The following FILIP1L variants were observed in gnomAD, a reference collection of about 807,000 sequenced individuals.
FILIP1L encodes the protein filamin A interacting protein 1 like.
A neutral mutation model predicts 96.6 loss-of-function variants in FILIP1L; 55 were observed. That is an observed-to-expected ratio of 0.57 (90% CI 0.46 to 0.71). The LOEUF (loss-of-function observed/expected upper bound fraction) is 0.71, where lower values mean the gene tolerates loss of function less well. Among genes scored for constraint, FILIP1L ranks in the 30% least tolerant of loss-of-function variants. The probability of loss-of-function intolerance (pLI) is 0.00; values close to 1 mark genes in which losing one functional copy is unlikely to be tolerated. For synonymous variants in FILIP1L, 467 were observed against 473.9 expected (o/e 0.99, Z 0.19); for missense variants, 1,304 against 1,321.2 (o/e 0.99, Z 0.20).
At chr3:100,016,775 A>C (rs1189930029) in intron 1 of FILIP1L, among the ~76,000 whole-genome samples, 1 of 152,224 alleles carries the variant, frequency 6.6e-6, no homozygotes, top group Non-Finnish European at 1.5e-5. Flanking sequence ...CAAAGTTGCT[A>C]TAAACTTATA....
intron 4 of FILIP1L, among the ~76,000 whole-genome samples, chr3:99,897,624 T>G (rs1285092687): frequency 6.6e-6 from 1 of 152,228 alleles, no homozygotes; most frequent in Admixed American, 6.5e-5. Context: ...ATCGTGTATT[T>G]GAGGAGAAAT....
At chr3:99,922,878 T>G (rs1317955708) in intron 4 of FILIP1L, among the ~76,000 whole-genome samples, 1 of 152,232 alleles carries the variant, frequency 6.6e-6, no homozygotes, top group African/African-American at 2.4e-5. Flanking sequence ...ATTTCTTATT[T>G]TGTTTTTTAA....
chr3:100,046,452 A>G (rs539422436), intron 1 of FILIP1L, among the ~76,000 whole-genome samples: 1 of 151,696 alleles, frequency 6.6e-6, no homozygotes, highest in East Asian at 1.9e-4. Context: ...GTTTACTAGT[A>G]GTAGCCTAAC....
intron 1 of FILIP1L, among the ~76,000 whole-genome samples, chr3:99,974,256 C>T (rs1218557650): frequency 2.0e-5 from 3 of 151,888 alleles, no homozygotes; most frequent in Non-Finnish European, 4.4e-5. Flanking sequence ...CCAGTATATA[C>T]AGTTCGTGCT....
Position 99,849,490 on chromosome 3 carries a change from T to C in FILIP1L, c.2186A>G (p.Tyr729Cys). ...ACATATTAGGTCTTCAGTTGCCATGTATTCATGAATTTTCTCTTTTAATGC... is the reference window on the plus strand; with the variant it reads ...ACATATTAGGTCTTCAGTTGCCATGCATTCATGAATTTTCTCTTTTAATGC... ...VDALKEKIHE[Y>C]MATEDLICHL... Residue 729 changes from tyrosine (Y) to cysteine (C), a missense_variant, in exon 5 of 6, where the codon TAC (tyrosine) becomes TGC (cysteine). By Grantham distance (194) the Tyr-to-Cys change is radical (BLOSUM62 -2). Coordinates refer to ENST00000477258, the MANE Select transcript of FILIP1L (RefSeq NM_001387850.1). The C allele has an allele frequency of 6.2e-7, 1 of 1,613,462 alleles. No individual in the cohort carries two copies. The highest frequency in any genetic ancestry group is 8.5e-7 in the Non-Finnish European group (1 of 1,179,906).
chr3:99,994,230 C>T (rs1709606318), intron 1 of FILIP1L, among the ~76,000 whole-genome samples: 1 of 151,988 alleles, frequency 6.6e-6, no homozygotes, highest in Non-Finnish European at 1.5e-5. Context: ...GCATTCAGAT[C>T]AGAAAACAAA....
chr3:100,035,492 C>T lies in FILIP1L; in HGVS notation c.-11+78561G>A, dbSNP rs192557712. 4.7e-3 allele frequency among the ~76,000 whole-genome samples: 713 copies of T among 152,188 alleles called. 1 individual carries two copies. Among genetic ancestry groups the T allele is most frequent in the Non-Finnish European group, 8.4e-3 (568 of 68,006 alleles). On this transcript the variant is annotated intron_variant, in intron 1 of 5. Transcript: ENST00000477258. ...TTCACCATGTTGGCCAGGCTGGTCT[C>T]GAACTCCTGATCCACCCGCCTCAGC...
chr3:99,948,774 AAG>A (rs1017457649), intron 1 of FILIP1L, among the ~76,000 whole-genome samples: 4 of 149,380 alleles, frequency 2.7e-5, no homozygotes, highest in Admixed American at 2.7e-4. Flanking sequence ...AGGAAAGAAA[AAG>A]AGAAAGGAAA....
At chr3:100,083,998 C>T (rs183705391) in intron 1 of FILIP1L, among the ~76,000 whole-genome samples, 42 of 152,192 alleles carry the variant, frequency 2.8e-4, no homozygotes, top group Admixed American at 2.4e-3. Flanking sequence ...AATATTTCTC[C>T]GTTATAGTTA....
At chr3:100,078,890 C>CA (rs199956080) in intron 1 of FILIP1L, among the ~76,000 whole-genome samples, 95 of 151,194 alleles carry the variant, frequency 6.3e-4, no homozygotes, top group South Asian at 4.0e-3. Flanking sequence ...GACTCCATAT[C>CA]AAAAAAAACG....
At chr3:99,846,911 C>T (rs969116875) in intron 5 of FILIP1L, among the ~76,000 whole-genome samples, 3 of 152,138 alleles carry the variant, frequency 2.0e-5, no homozygotes, top group Non-Finnish European at 2.9e-5. Context: ...TGTCTGAAAT[C>T]GTCGTTTTGG....
At chr3:99,860,009 G>C (rs1192447218) in intron 4 of FILIP1L, among the ~76,000 whole-genome samples, 2 of 152,208 alleles carry the variant, frequency 1.3e-5, no homozygotes, top group African/African-American at 2.4e-5. Flanking sequence ...TAGTCAGCAA[G>C]ATCAGTAGAA....
chr3:100,046,394 A>G (rs968303160), intron 1 of FILIP1L, among the ~76,000 whole-genome samples: 3 of 151,702 alleles, frequency 2.0e-5, no homozygotes, highest in South Asian at 2.1e-4. Context: ...TTGTTCACCT[A>G]TTTCTCAAAG....
At chr3:99,974,317 G>T (rs1312304995) in intron 1 of FILIP1L, among the ~76,000 whole-genome samples, 1 of 152,160 alleles carries the variant, frequency 6.6e-6, no homozygotes, top group Admixed American at 6.5e-5. Flanking sequence ...TTTTAGAAGG[G>T]ATCACAACAG....
At chr3:99,924,144 T>C in intron 4 of FILIP1L, 86 bp downstream of exon 4, 1 of 1,097,848 alleles carries the variant, frequency 9.1e-7, no homozygotes, top group Non-Finnish European at 1.3e-6. Context: ...GACTGTGTCA[T>C]ATTTATCTTT....
chr3:99,969,803 C>T (rs1273515319), intron 1 of FILIP1L, among the ~76,000 whole-genome samples: 2 of 152,080 alleles, frequency 1.3e-5, no homozygotes, highest in African/African-American at 4.8e-5. Flanking sequence ...TATTGGATGG[C>T]TTGTCTAGAT....
At chr3:99,951,376 C>T (rs1280252345) in intron 1 of FILIP1L, among the ~76,000 whole-genome samples, 2 of 152,106 alleles carry the variant, frequency 1.3e-5, no homozygotes, top group Non-Finnish European at 2.9e-5. Context: ...GGGTACAGGA[C>T]GTGGTCTGTT....
chr3:99,905,509 T>C (rs866682082), intron 4 of FILIP1L, among the ~76,000 whole-genome samples: 2 of 152,250 alleles, frequency 1.3e-5, no homozygotes, highest in African/African-American at 4.8e-5. Context: ...TTACATCTTA[T>C]AGCATAATCA....
At chr3:100,098,754 G>A (rs975612527) in intron 1 of FILIP1L, among the ~76,000 whole-genome samples, 3 of 152,180 alleles carry the variant, frequency 2.0e-5, no homozygotes, top group African/African-American at 7.2e-5. Flanking sequence ...AACTCACCAT[G>A]AAAACAAACC....
Sources: allele counts gnomAD v4.1 joint callset (sites outside exome capture counted in the v4.1 genomes callset), GRCh38; gene constraint gnomAD v4.1.1; transcripts MANE v1.5; gene names NCBI Gene and HGNC (gene_info 2026-07-23, HGNC 2026-07-21).